PCDH9: variants seen among roughly 807,000 people sequenced by gnomAD.
PCDH9 encodes protocadherin 9, also known as protocadherin-9.
A neutral mutation model predicts 70.6 loss-of-function variants in PCDH9; 24 were observed. The observed-to-expected ratio is 0.34, with a 90% CI of 0.25 to 0.48. PCDH9 has a LOEUF of 0.48. Among genes scored for constraint, PCDH9 ranks in the 20% least tolerant of loss-of-function variants. PCDH9 has a pLI of 0.99. For missense variants in PCDH9, 1,281 were observed against 1,503.6 expected, an observed-to-expected ratio of 0.85 and a Z score of 2.45; for synonymous variants, 562 against 558.5, an observed-to-expected ratio of 1.01 and a Z score of -0.09.
At chr13:66,440,230 C>T (rs1428128669) in intron 4 of PCDH9, among the ~76,000 whole-genome samples, 2 of 152,108 alleles carry the variant, frequency 1.3e-5, no homozygotes, top group Admixed American at 6.6e-5. Context: ...ACATTTTGCA[C>T]TTTTATCATA....
chr13:66,895,624 G>A (rs2082165206), intron 3 of PCDH9, among the ~76,000 whole-genome samples: 1 of 152,186 alleles, frequency 6.6e-6, no homozygotes, highest in Non-Finnish European at 1.5e-5. Context: ...GCAAATGCTT[G>A]AGCAGCATTA....
chr13:66,455,228 T>A (rs1170818956), intron 4 of PCDH9, among the ~76,000 whole-genome samples: 1 of 151,732 alleles, frequency 6.6e-6, no homozygotes, highest in Non-Finnish European at 1.5e-5. Flanking sequence ...ATTCTTGATT[T>A]GACACTAATA....
chr13:66,937,220 C>T (rs118098535), intron 2 of PCDH9, among the ~76,000 whole-genome samples: 5,414 of 152,182 alleles, frequency 0.036, 128 homozygotes, highest in Middle Eastern at 0.085. Flanking sequence ...GAGAGCCCTA[C>T]GGGATTGGTT....
chr13:66,950,609 T>C (rs1017258279), intron 2 of PCDH9, among the ~76,000 whole-genome samples: 5 of 152,078 alleles, frequency 3.3e-5, no homozygotes, highest in African/African-American at 4.8e-5. Context: ...TAAGAGATTG[T>C]CTTCTGAATG....
intron 4 of PCDH9, among the ~76,000 whole-genome samples, chr13:66,600,513 T>A (rs993795797): frequency 6.6e-6 from 1 of 151,938 alleles, no homozygotes; most frequent in Non-Finnish European, 1.5e-5. Flanking sequence ...TCTGTAATTA[T>A]AATTTTTTTC....
intron 3 of PCDH9, among the ~76,000 whole-genome samples, chr13:66,712,291 G>A (rs779733969): frequency 2.6e-5 from 4 of 151,778 alleles, no homozygotes; most frequent in Non-Finnish European, 5.9e-5. Flanking sequence ...ATGAAAAAAC[G>A]GTTATTATTT....
At chr13:66,903,359 T>C (rs2082308215) in intron 3 of PCDH9, 145 bp downstream of exon 3, 1 of 363,590 alleles carries the variant, frequency 2.8e-6, no homozygotes, top group African/African-American at 2.1e-5. Flanking sequence ...TTACTTAAAA[T>C]TATTTTCAAA....
At chr13:66,375,667 G>A (rs1172808239) in intron 4 of PCDH9, among the ~76,000 whole-genome samples, 1 of 152,064 alleles carries the variant, frequency 6.6e-6, no homozygotes, top group East Asian at 1.9e-4. Context: ...AAGTAAGAAA[G>A]TGCATATAAC....
At chr13:67,041,574 G>A (rs578122018) in intron 2 of PCDH9, among the ~76,000 whole-genome samples, 1 of 152,146 alleles carries the variant, frequency 6.6e-6, no homozygotes, top group African/African-American at 2.4e-5. Context: ...GCTCACGCCT[G>A]TAATCCCAGC....
At chr13:67,120,124 G>A (rs1271617798) in intron 2 of PCDH9, among the ~76,000 whole-genome samples, 1 of 151,098 alleles carries the variant, frequency 6.6e-6, no homozygotes, top group Non-Finnish European at 1.5e-5. Context: ...GCCTATGTAT[G>A]TTTATAGTGT....
intron 2 of PCDH9, among the ~76,000 whole-genome samples, chr13:67,060,417 CTTTG>C (rs2085516726): frequency 2.0e-5 from 3 of 152,058 alleles, no homozygotes; most frequent in Admixed American, 2.0e-4. Flanking sequence ...GAACACCTGG[CTTTG>C]TTTGTTTCCT....
intron 2 of PCDH9, among the ~76,000 whole-genome samples, chr13:67,052,748 T>A (rs1363000220): frequency 1.3e-5 from 2 of 152,036 alleles, no homozygotes; most frequent in Non-Finnish European, 2.9e-5. Flanking sequence ...ATGAGATATG[T>A]ATTAGGCAGA....
At chr13:66,619,827 C>T (rs1198327167) in intron 4 of PCDH9, among the ~76,000 whole-genome samples, 1 of 151,982 alleles carries the variant, frequency 6.6e-6, no homozygotes, top group Non-Finnish European at 1.5e-5. Flanking sequence ...TCTTTGCTCC[C>T]ATCCTGCCCC....
intron 2 of PCDH9, among the ~76,000 whole-genome samples, chr13:67,175,346 T>G (rs1324576420): frequency 3.3e-5 from 5 of 152,086 alleles, no homozygotes; most frequent in African/African-American, 9.7e-5. Flanking sequence ...TAATAACAAA[T>G]AAAGCATCTT....
chr13:66,995,419 A>T (rs1460676675), intron 2 of PCDH9, among the ~76,000 whole-genome samples: 1 of 152,006 alleles, frequency 6.6e-6, no homozygotes, highest in African/African-American at 2.4e-5. Context: ...ATGCACCTGC[A>T]GTGAGAGACT....
At chr13:67,199,548 T>G (rs553401591) in intron 2 of PCDH9, among the ~76,000 whole-genome samples, 1 of 152,138 alleles carries the variant, frequency 6.6e-6, no homozygotes, top group Non-Finnish European at 1.5e-5. Context: ...ATGTACTACT[T>G]GTAAATAAAC....
At chr13:66,511,090 T>C (rs1057502726) in intron 4 of PCDH9, among the ~76,000 whole-genome samples, 11 of 152,188 alleles carry the variant, frequency 7.2e-5, no homozygotes, top group Non-Finnish European at 1.6e-4. Flanking sequence ...GAGCTTTGAA[T>C]GTTCCAGTGC....
chr13:67,083,734 T>C (rs984624195), intron 2 of PCDH9, among the ~76,000 whole-genome samples: 1 of 152,228 alleles, frequency 6.6e-6, no homozygotes, highest in Admixed American at 6.5e-5. Flanking sequence ...GCTGCATCTA[T>C]GAAACACCAG....
intron 3 of PCDH9, among the ~76,000 whole-genome samples, chr13:66,659,003 T>C (rs2139010797): frequency 6.6e-6 from 1 of 152,242 alleles, no homozygotes; most frequent in South Asian, 2.1e-4. Context: ...TAAGTACAAT[T>C]GTCAGGATCA....
Sources: gnomAD v4.1 joint callset for allele counts (sites outside exome capture counted in the v4.1 genomes callset) on GRCh38, gnomAD v4.1.1 for gene constraint, MANE v1.5 for transcripts, NCBI Gene and HGNC (gene_info 2026-07-23, HGNC 2026-07-21) for gene names.